Variants in NDUFAF2 observed in about 807,000 individuals in gnomAD.
NDUFAF2 encodes the protein NADH:ubiquinone oxidoreductase complex assembly factor 2.
A neutral mutation model predicts 22.8 loss-of-function variants in NDUFAF2; 13 were observed. The observed-to-expected ratio is 0.57, with a 90% CI of 0.37 to 0.91. NDUFAF2 has a LOEUF of 0.91. Among genes scored for constraint, NDUFAF2 ranks in the 40% least tolerant of loss-of-function variants. The pLI is 0.01. For synonymous variants in NDUFAF2, 53 were observed against 64.2 expected, an observed-to-expected ratio of 0.83 and a Z score of 0.84; for missense variants, 162 against 195.2, an observed-to-expected ratio of 0.83 and a Z score of 1.01.
chr5:61,122,588 TTTC>T (rs1185937351), intron 3 of NDUFAF2, among the ~76,000 whole-genome samples: 8 of 152,190 alleles, frequency 5.3e-5, no homozygotes, highest in African/African-American at 1.9e-4. Context: ...ATTGTGAAAT[TTTC>T]TTCTATGTTT....
intron 3 of NDUFAF2, among the ~76,000 whole-genome samples, chr5:61,125,683 G>A (rs946434691): frequency 3.9e-5 from 6 of 152,076 alleles, no homozygotes; most frequent in Admixed American, 6.6e-5. Context: ...CACATCTTCA[G>A]ATCAAAGTAA....
At chr5:61,078,701 A>G (rs1752400028) in intron 2 of NDUFAF2, among the ~76,000 whole-genome samples, 1 of 152,142 alleles carries the variant, frequency 6.6e-6, no homozygotes, top group African/African-American at 2.4e-5. Flanking sequence ...AGATCGCGCC[A>G]CTGCACTCCA....
At chr5:60,995,371 A>G (rs562515509) in intron 1 of NDUFAF2, among the ~76,000 whole-genome samples, 5 of 152,258 alleles carry the variant, frequency 3.3e-5, no homozygotes, top group African/African-American at 1.2e-4. Context: ...TTGTGTTCTA[A>G]GCTGTATCTG....
At chr5:61,150,119 A>G (rs909436254) in intron 3 of NDUFAF2, among the ~76,000 whole-genome samples, 1 of 152,140 alleles carries the variant, frequency 6.6e-6, no homozygotes, top group African/African-American at 2.4e-5. Flanking sequence ...TTTAGTAGAG[A>G]CAGGGTTTTC....
Position 61,073,199 on chromosome 5 carries a change from C to G in NDUFAF2, c.202C>G (p.Pro68Ala). 6.2e-7 allele frequency: 1 copy of G among 1,611,442 alleles called. No homozygotes were observed. The highest frequency in any genetic ancestry group is 2.2e-5 in the East Asian group (1 of 44,744). ...KEVDYEAGDI[P>A]TEWEAWIRRT... ...AGTAGACTATGAAGCAGGGGATATT[C>G]CAACAGAATGGGAAGGTAAGTTTCT... Residue 68 changes from proline (P) to alanine (A), a missense_variant, in exon 2 of 4, where the codon CCA becomes GCA. Transcript: ENST00000296597.
At chr5:61,086,384 A>T (rs1277354757) in intron 2 of NDUFAF2, among the ~76,000 whole-genome samples, 2 of 152,140 alleles carry the variant, frequency 1.3e-5, no homozygotes. Flanking sequence ...AAAGAACAAG[A>T]TTGGAGAATT....
chr5:61,101,732 A>T lies in NDUFAF2; in HGVS notation c.258+2700A>T, dbSNP rs141645871. On this transcript the variant is annotated intron_variant, in intron 3 of 3. Transcript: ENST00000296597. ...CCATTAGAATGTCATTTACAACAGTATTAGAAAACATAGAATACTGTGGAA... is the reference window on the plus strand; with the variant it reads ...CCATTAGAATGTCATTTACAACAGTTTTAGAAAACATAGAATACTGTGGAA... Among the ~76,000 whole-genome samples the T allele has an allele frequency of 3.3e-5, 5 of 152,312 alleles. No individual in the cohort carries two copies. In the East Asian group the frequency reaches 9.6e-4, roughly 29 times the overall value.
intron 1 of NDUFAF2, among the ~76,000 whole-genome samples, chr5:60,980,605 C>T (rs1044511198): frequency 6.6e-6 from 1 of 152,024 alleles, no homozygotes; most frequent in African/African-American, 2.4e-5. Context: ...AACCCTGTCT[C>T]TACTAAAAAT....
At chr5:60,965,591 T>C (rs1168069633) in intron 1 of NDUFAF2, among the ~76,000 whole-genome samples, 1 of 152,176 alleles carries the variant, frequency 6.6e-6, no homozygotes, top group Non-Finnish European at 1.5e-5. Flanking sequence ...TTATAAAGAT[T>C]CCACATATAA....
intron 1 of NDUFAF2, among the ~76,000 whole-genome samples, chr5:61,007,102 C>T (rs1751377212): frequency 6.6e-6 from 1 of 152,026 alleles, no homozygotes; most frequent in Non-Finnish European, 1.5e-5. Context: ...TTTTGCTGTG[C>T]AGAAGCTCTT....
chr5:60,973,245 T>C (rs1490544347), intron 1 of NDUFAF2, among the ~76,000 whole-genome samples: 1 of 152,182 alleles, frequency 6.6e-6, no homozygotes, highest in Non-Finnish European at 1.5e-5. Context: ...GAAGTGTTCC[T>C]GAGTATAGAG....
intron 1 of NDUFAF2, among the ~76,000 whole-genome samples, chr5:60,982,862 G>T (rs578108757): frequency 6.6e-6 from 1 of 151,996 alleles, no homozygotes; most frequent in East Asian, 1.9e-4. Flanking sequence ...ATAAACATAC[G>T]TGTGCATGTG....
intron 3 of NDUFAF2, among the ~76,000 whole-genome samples, chr5:61,142,099 G>C (rs1408224721): frequency 6.6e-6 from 1 of 152,134 alleles, no homozygotes; most frequent in African/African-American, 2.4e-5. Context: ...AAGGGAGCAA[G>C]GTTTTCTTTG....
At chr5:61,106,202 T>C (rs1752760803) in intron 3 of NDUFAF2, among the ~76,000 whole-genome samples, 3 of 151,350 alleles carry the variant, frequency 2.0e-5, no homozygotes, top group Non-Finnish European at 4.4e-5. Context: ...GCTGTTTACA[T>C]GGTCTAAAGG....
chr5:61,128,180 T>C (rs1210572277), intron 3 of NDUFAF2, among the ~76,000 whole-genome samples: 2 of 152,026 alleles, frequency 1.3e-5, no homozygotes, highest in Non-Finnish European at 2.9e-5. Context: ...ATTCCATGCT[T>C]ATGGATAGGA....
intron 3 of NDUFAF2, among the ~76,000 whole-genome samples, chr5:61,126,629 C>T (rs1753038615): frequency 6.6e-6 from 1 of 151,968 alleles, no homozygotes. Context: ...AAAGTCAGTA[C>T]GTATTTTCAC....
intron 3 of NDUFAF2, among the ~76,000 whole-genome samples, chr5:61,150,164 T>G (rs1279940520): frequency 6.6e-6 from 1 of 152,150 alleles, no homozygotes; most frequent in Admixed American, 6.5e-5. Flanking sequence ...ACTCTTGGCC[T>G]CAAGTGATCT....
intron 2 of NDUFAF2, among the ~76,000 whole-genome samples, chr5:61,082,912 ATAGT>A (rs1561560226): frequency 6.6e-6 from 1 of 152,052 alleles, no homozygotes. Context: ...GGGTCAAGTG[ATAGT>A]TCTATTTTTA....
intron 1 of NDUFAF2, among the ~76,000 whole-genome samples, chr5:60,999,024 A>G (rs1271777950): frequency 2.6e-5 from 4 of 152,050 alleles, no homozygotes; most frequent in African/African-American, 9.7e-5. Context: ...TCAATGTAGT[A>G]GATTGTGTAT....
Sources: allele counts gnomAD v4.1 joint callset (sites outside exome capture counted in the v4.1 genomes callset), GRCh38; gene constraint gnomAD v4.1.1; transcripts MANE v1.5; gene names NCBI Gene and HGNC (gene_info 2026-07-23, HGNC 2026-07-21).